TEC: variants seen among roughly 807,000 people sequenced by gnomAD.
The protein encoded by TEC is tyrosine-protein kinase Tec.
A neutral mutation model predicts 93.0 loss-of-function variants in TEC; 72 were observed. The observed-to-expected ratio is 0.77, with a 90% CI of 0.64 to 0.94. The LOEUF is 0.94. Among genes scored for constraint, TEC ranks in the 40% least tolerant of loss-of-function variants. TEC has a pLI of 0.00. For missense variants in TEC, 630 were observed against 757.9 expected (o/e 0.83, Z 1.98); for synonymous variants, 249 against 247.7 (o/e 1.01, Z -0.05).
chr4:48,154,330 G>A (rs533933941), intron 9 of TEC, among the ~76,000 whole-genome samples: 2 of 152,306 alleles, frequency 1.3e-5, no homozygotes, highest in Admixed American at 6.5e-5. Context: ...GGTTGTCTCT[G>A]ATTAAGGTCA....
chr4:48,153,353 G>A (rs1351139975), intron 9 of TEC: 2 of 152,128 alleles, frequency 1.3e-5, no homozygotes, highest in East Asian at 3.9e-4. Context: ...AAATGAGGAT[G>A]AGCCACTACA....
rs1312346094 is a variant in TEC, at chr4:48,263,482, G to C, written c.-46+6270C>G. 3.3e-5 allele frequency among the ~76,000 whole-genome samples: 5 copies of C among 152,222 alleles called. No homozygotes were observed. The East Asian group carries it at 7.7e-4, about 23-fold the overall frequency. Reference sequence around the variant, plus strand: ...TAATCTCAGCACTTTGGGAGGCCAAGGCAGGCAGATCACCTGAGGCCAGGA... The same window carrying C: ...TAATCTCAGCACTTTGGGAGGCCAACGCAGGCAGATCACCTGAGGCCAGGA... On this transcript the variant is annotated intron_variant, in intron 1 of 17. Transcript: ENST00000381501.
At chr4:48,155,540 T>C (rs559226881) in intron 9 of TEC, among the ~76,000 whole-genome samples, 187 of 152,314 alleles carry the variant, frequency 1.2e-3, no homozygotes, top group Non-Finnish European at 2.4e-3. Flanking sequence ...CTGAAGAATA[T>C]AAAATGATCT....
At chr4:48,199,484 T>TTTTTTTTTTTTTGTTTTTTTTTTG (rs1722421203) in intron 2 of TEC, among the ~76,000 whole-genome samples, 1 of 95,784 alleles carries the variant, frequency 1.0e-5, no homozygotes, top group Non-Finnish European at 2.0e-5. Flanking sequence ...TTTTTTTTTT[T>TTTTTTTTTTTTTGTTTTTTTTTTG]GAGACAAAGT....
intron 2 of TEC, among the ~76,000 whole-genome samples, chr4:48,224,820 A>T (rs1723387420): frequency 6.6e-6 from 1 of 152,236 alleles, no homozygotes; most frequent in African/African-American, 2.4e-5. Flanking sequence ...AAGAATTTCA[A>T]GAAAAGCTTG....
chr4:48,181,626 T>G (rs192697383), intron 2 of TEC, among the ~76,000 whole-genome samples: 64 of 145,992 alleles, frequency 4.4e-4, no homozygotes, highest in Non-Finnish European at 6.8e-4. Flanking sequence ...TGAGCCGAGA[T>G]AGTGCCACTG....
intron 1 of TEC, among the ~76,000 whole-genome samples, chr4:48,229,353 A>C (rs560350466): frequency 3.3e-5 from 5 of 152,374 alleles, no homozygotes. Context: ...GACTATTCAT[A>C]CCTAGACTGA....
chr4:48,160,311 G>C (rs1720575848), intron 8 of TEC, among the ~76,000 whole-genome samples: 1 of 152,148 alleles, frequency 6.6e-6, no homozygotes, highest in Non-Finnish European at 1.5e-5. Flanking sequence ...TTTGCCTACT[G>C]TTATGCTAAT....
chr4:48,149,785 A>G, intron 10 of TEC, 95 bp from the exon 11 acceptor site: 1 of 1,248,440 alleles, frequency 8.0e-7, no homozygotes, highest in East Asian at 2.6e-5. Context: ...GTGTCTCTCC[A>G]TATGATCCCA....
chr4:48,142,959 G>A (rs557659639), intron 14 of TEC, among the ~76,000 whole-genome samples: 1 of 152,288 alleles, frequency 6.6e-6, no homozygotes, highest in South Asian at 2.1e-4. Context: ...TGGCATTACA[G>A]GCGTGAGCCA....
In TEC at chr4:48,156,717, A is replaced by G; in HGVS notation, c.755T>C (p.Met252Thr). 6.2e-7 allele frequency: 1 copy of G among 1,612,016 alleles called. No individual in the cohort carries two copies. The highest frequency in any genetic ancestry group is 8.5e-7 in the Non-Finnish European group (1 of 1,179,380). ...GAGTTGCTCTGCCTTGCTTCTATTC[A>G]TATTTCTGCAATACCATCTGAACAG... Reference protein sequence around the residue: ...LDQYEWYCRNMNRSKAEQLLR... With the variant: ...LDQYEWYCRNTNRSKAEQLLR... Residue 252 changes from methionine to threonine, a missense_variant, in exon 9 of 18, where the codon ATG (methionine) becomes ACG (threonine). This residue lies in a region of TEC where 335 missense variants were observed against 351.5 expected (regional missense o/e 0.95). Coordinates refer to ENST00000381501, the MANE Select transcript of TEC (RefSeq NM_003215.3).
intron 1 of TEC, among the ~76,000 whole-genome samples, chr4:48,235,341 C>T (rs963163277): frequency 8.5e-5 from 13 of 152,108 alleles, no homozygotes; most frequent in African/African-American, 3.1e-4. Flanking sequence ...AATGGCCTCC[C>T]ATAATTTTTG....
At chr4:48,169,698 A>G (rs1212951224) in intron 5 of TEC, among the ~76,000 whole-genome samples, 1 of 152,156 alleles carries the variant, frequency 6.6e-6, no homozygotes, top group African/African-American at 2.4e-5. Flanking sequence ...ATCTCCACGT[A>G]TTTTTAGCTT....
At chr4:48,228,932 C>A (rs1453153904) in intron 1 of TEC, among the ~76,000 whole-genome samples, 2 of 152,170 alleles carry the variant, frequency 1.3e-5, no homozygotes, top group African/African-American at 4.8e-5. Flanking sequence ...CTCCTAGTAC[C>A]CTTAGCTTTC....
chr4:48,264,212 G>T (rs1724572817), intron 1 of TEC, among the ~76,000 whole-genome samples: 1 of 152,104 alleles, frequency 6.6e-6, no homozygotes, highest in Non-Finnish European at 1.5e-5. Context: ...ATAATTAAAG[G>T]CAATTGAACC....
chr4:48,232,653 A>G (rs1236746309), intron 1 of TEC, among the ~76,000 whole-genome samples: 1 of 152,244 alleles, frequency 6.6e-6, no homozygotes, highest in Non-Finnish European at 1.5e-5. Flanking sequence ...CCAAAGATAG[A>G]GTGTTGAATG....
chr4:48,160,186 G>A (rs935322463), intron 8 of TEC, among the ~76,000 whole-genome samples: 13 of 152,184 alleles, frequency 8.5e-5, no homozygotes, highest in African/African-American at 1.9e-4. Flanking sequence ...GCATACAGCT[G>A]GGAAACAGCA....
At chr4:48,207,358 T>G (rs1465202769) in intron 2 of TEC, among the ~76,000 whole-genome samples, 9 of 152,204 alleles carry the variant, frequency 5.9e-5, no homozygotes, top group Admixed American at 5.9e-4. Context: ...GGGATACTGC[T>G]TGTAACTACA....
chr4:48,213,965 T>C (rs1722991559), intron 2 of TEC, among the ~76,000 whole-genome samples: 2 of 152,168 alleles, frequency 1.3e-5, no homozygotes, highest in South Asian at 4.1e-4. Context: ...TGTTTCTAAA[T>C]TTAAATAATG....
Sources: allele counts gnomAD v4.1 joint callset (sites outside exome capture counted in the v4.1 genomes callset), GRCh38; gene constraint gnomAD v4.1.1; regional missense constraint gnomAD v4.1.1; transcripts MANE v1.5; gene names NCBI Gene and HGNC (gene_info 2026-07-23, HGNC 2026-07-21).